Variants in ZC3H18 observed in about 807,000 individuals in gnomAD.
The protein encoded by ZC3H18 is zinc finger CCCH-type containing 18, also known as zinc finger CCCH domain-containing protein 18.
In ZC3H18, 8 loss-of-function variants were observed where a neutral mutation model predicts 106.1. The observed-to-expected ratio is 0.08, with a 90% CI of 0.04 to 0.14. The LOEUF is 0.14. Ranked by LOEUF, ZC3H18 falls within the 10% of genes least tolerant of loss-of-function variation. The pLI is 1.00. For synonymous variants in ZC3H18, 635 were observed against 522.1 expected (o/e 1.22, Z -2.95); for missense variants, 1,318 against 1,278.4 (o/e 1.03, Z -0.47).
chr16:88,630,762 CCCCACACACA>C (rs1906628874), intron 17 of ZC3H18, among the ~76,000 whole-genome samples, 181 bp downstream of exon 17: 1 of 111,182 alleles, frequency 9.0e-6, no homozygotes, highest in Non-Finnish European at 2.1e-5. Flanking sequence ...CCCCACCCCC[CCCCACACACA>C]CACACACGCT....
chr16:88,631,825 C>A lies in ZC3H18; in HGVS notation c.*526C>A. 3.5e-6 allele frequency: 1 copy of A among 289,642 alleles called. No individual in the cohort carries two copies. Among genetic ancestry groups the A allele is most frequent in the South Asian group, 2.7e-5 (1 of 36,532 alleles). The allele number at this position is 289,642 out of a possible 1,614,324, so 17.9% of individuals were successfully genotyped here. ...AATATTTCCTGTCTTTTATTTTAAG[C>A]ATCAAATTGTTTTAGTTGATTTAAA... On this transcript the variant is annotated 3_prime_UTR_variant, in exon 18 of 18. Coordinates refer to ENST00000301011, the MANE Select transcript of ZC3H18 (RefSeq NM_144604.4).
In ZC3H18 at chr16:88,599,917, T is replaced by C; in HGVS notation, c.1057T>C (p.Ser353Pro). The change falls in exon 6 of 18, where the codon TCT becomes CCT. Residue 353 changes from serine to proline, a missense_variant. Physicochemically the swap from Ser to Pro is moderately conservative, Grantham distance 74 (BLOSUM62 -1). Coordinates refer to ENST00000301011, the MANE Select transcript of ZC3H18 (RefSeq NM_144604.4). ...AAATGAAGTTTTTCGAGATTGGAAT[T>C]CTCGGATCCCGAGAGATGTCAGAGA... ...KENEVFRDWN[S>P]RIPRDVRDTV... 1 of 1,614,212 alleles carries C rather than the reference T, an allele frequency of 6.2e-7. No individual in the cohort carries two copies. Among genetic ancestry groups the C allele is most frequent in the Non-Finnish European group, 8.5e-7 (1 of 1,180,032 alleles).
intron 10 of ZC3H18, 68 bp downstream of exon 10, chr16:88,623,412 T>G: frequency 1.9e-6 from 3 of 1,581,218 alleles, no homozygotes; most frequent in Non-Finnish European, 2.6e-6. Flanking sequence ...CGGATGTGGC[T>G]TTAGTTGTGG....
At chr16:88,594,230 C>T (rs940377318) in intron 3 of ZC3H18, among the ~76,000 whole-genome samples, 2 of 152,112 alleles carry the variant, frequency 1.3e-5, no homozygotes, top group East Asian at 1.9e-4. Context: ...ATTCCTCTCA[C>T]CAAATATTTT....
intron 3 of ZC3H18, among the ~76,000 whole-genome samples, chr16:88,595,425 C>T (rs1371967428): frequency 6.6e-6 from 1 of 151,532 alleles, no homozygotes; most frequent in African/African-American, 2.4e-5. Flanking sequence ...CATTTGTAAA[C>T]CAGAAGATCT....
intron 7 of ZC3H18, among the ~76,000 whole-genome samples, chr16:88,610,026 C>T (rs757828602): frequency 9.9e-5 from 15 of 151,918 alleles, no homozygotes; most frequent in Non-Finnish European, 2.1e-4. Context: ...TAGGATGTGG[C>T]GCCTGTTCTG....
intron 3 of ZC3H18, among the ~76,000 whole-genome samples, chr16:88,596,060 G>A (rs979403270): frequency 3.3e-5 from 5 of 152,106 alleles, no homozygotes; most frequent in African/African-American, 1.2e-4. Context: ...CTGGCCAGGG[G>A]CAGGACAGCG....
chr16:88,587,432 G>C, intron 3 of ZC3H18: 1 of 843,384 alleles, frequency 1.2e-6, no homozygotes, highest in Non-Finnish European at 1.9e-6. Flanking sequence ...AAGGTAGGAA[G>C]GTGTTTTTCT....
Position 88,629,003 on chromosome 16 carries a change from G to T in ZC3H18, c.2566+149G>T, listed in dbSNP as rs192145427. On this transcript the variant is annotated intron_variant, in intron 16 of 17. Coordinates refer to ENST00000301011, the MANE Select transcript of ZC3H18 (RefSeq NM_144604.4). ...CAGATGATGCCTGTCGGTATTTAGG[G>T]TGTTGAAAACTAAAACGAAGAAAAG... 255 of 729,880 alleles carry T rather than the reference G, an allele frequency of 3.5e-4. No homozygotes were observed. The African/African-American group carries it at 4.1e-3, about 12-fold the overall frequency. The allele number at this position is 729,880 out of a possible 1,614,324, so 45.2% of individuals were successfully genotyped here. A position where few individuals can be genotyped will look rare whatever the true frequency, so the allele number is the denominator to read the frequency against.
chr16:88,603,659 G>A (rs1201335204), intron 6 of ZC3H18, among the ~76,000 whole-genome samples: 1 of 142,380 alleles, frequency 7.0e-6, no homozygotes, highest in Admixed American at 7.2e-5. Flanking sequence ...GTCTGGCTCT[G>A]TCGCCCAGCG....
chr16:88,572,639 A>C (rs1237390592), intron 1 of ZC3H18, among the ~76,000 whole-genome samples: 1 of 152,082 alleles, frequency 6.6e-6, no homozygotes, highest in African/African-American at 2.4e-5. Flanking sequence ...TAGTGTAAGA[A>C]GACCAAACTG....
chr16:88,581,482 A>G (rs1038943342), intron 2 of ZC3H18, among the ~76,000 whole-genome samples: 1 of 152,190 alleles, frequency 6.6e-6, no homozygotes, highest in South Asian at 2.1e-4. Context: ...TGTGTTTGGT[A>G]TGCTGCCAGA....
chr16:88,611,119 G>C, intron 7 of ZC3H18, 149 bp from the exon 8 acceptor site: 2 of 675,860 alleles, frequency 3.0e-6, no homozygotes, highest in South Asian at 3.5e-5. Flanking sequence ...TCATAGTCGG[G>C]AGCACTTGGC....
intron 1 of ZC3H18, chr16:88,571,679 T>A: frequency 3.0e-6 from 3 of 985,362 alleles, no homozygotes; most frequent in Non-Finnish European, 3.6e-6. Flanking sequence ...ACAGGTAAGT[T>A]AACCTATGGC....
intron 3 of ZC3H18, among the ~76,000 whole-genome samples, chr16:88,588,054 G>A (rs769022169): frequency 2.6e-5 from 4 of 152,238 alleles, no homozygotes; most frequent in Non-Finnish European, 5.9e-5. Flanking sequence ...ACTTAGAGCC[G>A]TAGATTGTCA....
rs748746513 is a variant in ZC3H18, at chr16:88,624,748, G to A, written c.2042+3G>A. 6.2e-7 allele frequency: 1 copy of A among 1,609,854 alleles called. No individual in the cohort carries two copies. The highest frequency in any genetic ancestry group is 8.5e-7 in the Non-Finnish European group (1 of 1,178,480). ...CCAGCCAGGACCCCCCCCAGGAGGT[G>A]AGCACTCCGGCGTCCGGGGCCCTCA... is the stretch of plus-strand genomic sequence containing the variant. On this transcript the variant is annotated splice_donor_region_variant and intron_variant, in intron 12 of 17. Transcript: ENST00000301011.
intron 2 of ZC3H18, among the ~76,000 whole-genome samples, chr16:88,580,211 T>TGTG (rs1915039359): frequency 5.2e-5 from 1 of 19,066 alleles, no homozygotes; most frequent in African/African-American, 1.4e-4. Context: ...TGTGTGTGTA[T>TGTG]ATGTATATGT....
rs188200692 is a variant in ZC3H18, at chr16:88,574,880, A to T, written c.-14-2230A>T. Among the ~76,000 whole-genome samples the T allele has an allele frequency of 6.4e-3, 909 of 142,826 alleles. 17 individuals are homozygous for T. Among genetic ancestry groups the T allele is most frequent in the Middle Eastern group, 0.041 (11 of 270 alleles). The allele number at this position is 142,826 out of a possible 152,430, so 93.7% of individuals were successfully genotyped here. On this transcript the variant is annotated intron_variant, in intron 1 of 17. Coordinates refer to ENST00000301011, the MANE Select transcript of ZC3H18 (RefSeq NM_144604.4). ...AGTCTCGCTCTGTCGCCCAGGCTGGAGTGCAATGGCGCGATCTCGGCTCAC... is the reference window on the plus strand; with the variant it reads ...AGTCTCGCTCTGTCGCCCAGGCTGGTGTGCAATGGCGCGATCTCGGCTCAC...
intron 2 of ZC3H18, among the ~76,000 whole-genome samples, chr16:88,586,117 C>T (rs974439557): frequency 6.6e-6 from 1 of 152,126 alleles, no homozygotes; most frequent in African/African-American, 2.4e-5. Context: ...GGGTGAGGAG[C>T]TGGTTGAGGA....
Sources: gnomAD v4.1 joint callset for allele counts (sites outside exome capture counted in the v4.1 genomes callset) on GRCh38, gnomAD v4.1.1 for gene constraint, MANE v1.5 for transcripts, NCBI Gene and HGNC (gene_info 2026-07-23, HGNC 2026-07-21) for gene names.